The following UNC79 variants were observed in gnomAD, a reference collection of about 807,000 sequenced individuals.
The protein encoded by UNC79 is protein unc-79 homolog.
Under a neutral mutation model 283.1 loss-of-function variants are expected in UNC79, and 37 were observed. The ratio of observed to expected loss-of-function variants is 0.13; its 90% CI spans 0.10 to 0.17. The LOEUF (loss-of-function observed/expected upper bound fraction) is 0.17, where lower values mean the gene tolerates loss of function less well. Ranked by LOEUF, UNC79 falls within the 10% of genes least tolerant of loss-of-function variation. The pLI, the probability that UNC79 is intolerant of heterozygous loss-of-function variation, is 1.00. For missense variants in UNC79, 2,272 were observed against 3,211.1 expected (o/e 0.71, Z 7.07); for synonymous variants, 1,107 against 1,200.2 (o/e 0.92, Z 1.61).
At chr14:93,457,593 C>G (rs137924476) in intron 1 of UNC79, among the ~76,000 whole-genome samples, 103 of 152,204 alleles carry the variant, frequency 6.8e-4, no homozygotes, top group African/African-American at 2.1e-3. Flanking sequence ...GAAAAGAGGC[C>G]GAAGGTGAAA....
chr14:93,651,633 T>C (rs2070269839), intron 35 of UNC79, among the ~76,000 whole-genome samples: 1 of 152,200 alleles, frequency 6.6e-6, no homozygotes, highest in African/African-American at 2.4e-5. Context: ...CACTTATTAG[T>C]TCTAGTAGTT....
In UNC79 at chr14:93,582,119, C is replaced by A. The variant is rs941131046; in HGVS notation, c.2662-84C>A. 6 of 1,601,912 alleles carry A rather than the reference C, an allele frequency of 3.7e-6. No homozygotes were observed. In the African/African-American group the frequency reaches 6.7e-5, roughly 18 times the overall value. ...TGGGACCCGAGACACAGCAGGTGTG[C>A]AGTCCAGCTTTGCTGAGCTGAGCAA... On this transcript the variant is annotated intron_variant, in intron 19 of 48. Coordinates refer to ENST00000555664, the Ensembl canonical transcript of UNC79.
intron 7 of UNC79, among the ~76,000 whole-genome samples, chr14:93,504,308 A>C (rs570817953): frequency 6.6e-6 from 1 of 151,586 alleles, no homozygotes; most frequent in Admixed American, 6.6e-5. Context: ...TATCTTGCCT[A>C]TTCCTAGCTG....
intron 14 of UNC79, among the ~76,000 whole-genome samples, chr14:93,545,841 C>T (rs1005636988): frequency 1.3e-5 from 2 of 152,118 alleles, no homozygotes; most frequent in African/African-American, 4.8e-5. Context: ...TGAGTTATTG[C>T]TCAAATCAGT....
chr14:93,500,872 A>G (rs1186723242), intron 7 of UNC79, among the ~76,000 whole-genome samples: 1 of 152,218 alleles, frequency 6.6e-6, no homozygotes, highest in African/African-American at 2.4e-5. Flanking sequence ...AGACATACCA[A>G]AGAGTATCAT....
chr14:93,406,448 C>T (rs933563528), intron 1 of UNC79, among the ~76,000 whole-genome samples: 5 of 152,046 alleles, frequency 3.3e-5, no homozygotes, highest in South Asian at 4.2e-4. Flanking sequence ...ATTAGTCAGG[C>T]ATGGTAACAT....
chr14:93,560,458 T>C (rs1385764104), intron 14 of UNC79, among the ~76,000 whole-genome samples: 3 of 152,168 alleles, frequency 2.0e-5, no homozygotes, highest in East Asian at 1.9e-4. Flanking sequence ...TTGTGATATC[T>C]CTGTGATGCT....
At chr14:93,683,665 G>A (rs754811520) in intron 42 of UNC79, among the ~76,000 whole-genome samples, 33 of 151,922 alleles carry the variant, frequency 2.2e-4, no homozygotes, top group Non-Finnish European at 3.7e-4. Flanking sequence ...ATTAAAAGAC[G>A]AACATTCCAA....
At chr14:93,441,689 T>C (rs554170559) in intron 1 of UNC79, among the ~76,000 whole-genome samples, 1 of 152,242 alleles carries the variant, frequency 6.6e-6, no homozygotes, top group South Asian at 2.1e-4. Flanking sequence ...TATACAATAG[T>C]GTCATTTTGT....
At chr14:93,677,984 T>C (rs1297495405) in intron 41 of UNC79, among the ~76,000 whole-genome samples, 1 of 152,182 alleles carries the variant, frequency 6.6e-6, no homozygotes, top group Non-Finnish European at 1.5e-5. Context: ...TTGCTTTTTT[T>C]CTTGCCCTTG....
At chr14:93,333,399 G>A (rs933158419) in exon 1 of UNC79, 4 of 398,658 alleles carry the variant, frequency 1.0e-5, no homozygotes, top group Non-Finnish European at 1.8e-5. Context: ...TTCGGCGGCC[G>A]GCGTCCCTCG....
At chr14:93,399,178 G>C (rs190673015) in intron 1 of UNC79, among the ~76,000 whole-genome samples, 1 of 152,180 alleles carries the variant, frequency 6.6e-6, no homozygotes, top group East Asian at 1.9e-4. Context: ...GCATGAGGAA[G>C]ACTGCCCCCA....
chr14:93,630,800 G>T lies in UNC79; in HGVS notation c.5609-1G>T. 1 of 1,612,254 alleles carries T rather than the reference G, an allele frequency of 6.2e-7. No individual in the cohort carries two copies. The highest frequency in any genetic ancestry group is 8.5e-7 in the Non-Finnish European group (1 of 1,178,370). ...GTTTTAAATAATATTTCTGTTTGTA[G>T]ATCCTTCTACTAAAGGACTTTCAAC... is the stretch of plus-strand genomic sequence containing the variant. On this transcript the variant is annotated splice_acceptor_variant, in intron 30 of 48. Transcript: ENST00000555664. LOFTEE classifies it high-confidence loss of function.
At chr14:93,506,109 T>G (rs952683480) in intron 7 of UNC79, among the ~76,000 whole-genome samples, 1 of 152,140 alleles carries the variant, frequency 6.6e-6, no homozygotes, top group African/African-American at 2.4e-5. Flanking sequence ...TAAAATAATA[T>G]CCTTTTATAT....
rs1000200812 is a variant in UNC79, at chr14:93,600,497, C to T, written c.3373-72C>T. 1.2e-5 allele frequency: 14 copies of T among 1,134,028 alleles called. No homozygotes were observed. The East Asian group carries it at 1.7e-4, about 13-fold the overall frequency. The allele number at this position is 1,134,028 out of a possible 1,614,324, so 70.2% of individuals were successfully genotyped here. A position where few individuals can be genotyped will look rare whatever the true frequency, so the allele number is the denominator to read the frequency against. ...GTTTCATTGACTTTGCCTAGTATAT[C>T]GGCTTTGAAGTAACTTAGATGTTTA... On this transcript the variant is annotated intron_variant, in intron 24 of 48. Coordinates refer to ENST00000555664, the Ensembl canonical transcript of UNC79.
At chr14:93,604,914 A>C in intron 26 of UNC79, 3 of 1,586,244 alleles carry the variant, frequency 1.9e-6, no homozygotes, top group Middle Eastern at 1.7e-4. Context: ...TTGACCAGGC[A>C]TGAGCAGTCT....
intron 47 of UNC79, among the ~76,000 whole-genome samples, chr14:93,700,384 C>T (rs975138271): frequency 6.6e-6 from 1 of 152,054 alleles, no homozygotes; most frequent in Non-Finnish European, 1.5e-5. Flanking sequence ...CTCAACATGC[C>T]CAATCTTTCT....
At chr14:93,423,969 A>T in intron 1 of UNC79, among the ~76,000 whole-genome samples, 1 of 152,204 alleles carries the variant, frequency 6.6e-6, no homozygotes, top group East Asian at 1.9e-4. Flanking sequence ...CCTATTTGAC[A>T]AGGGATTAAT....
chr14:93,493,908 T>A (rs1239042183), intron 5 of UNC79, among the ~76,000 whole-genome samples: 3 of 133,720 alleles, frequency 2.2e-5, no homozygotes, highest in South Asian at 2.5e-4. Flanking sequence ...TATATTTTTT[T>A]TTTTTTTTTT....
Sources: gnomAD v4.1 joint callset for allele counts (sites outside exome capture counted in the v4.1 genomes callset) on GRCh38, gnomAD v4.1.1 for gene constraint, MANE v1.5 for transcripts, NCBI Gene and HGNC (gene_info 2026-07-23, HGNC 2026-07-21) for gene names.